Variants in NLRP7 observed in about 807,000 individuals in gnomAD.
NLRP7 encodes NLR family pyrin domain containing 7, also known as NACHT, LRR and PYD domains-containing protein 7.
In NLRP7, 72 loss-of-function variants were observed where a neutral mutation model predicts 85.5. The observed-to-expected ratio is 0.84, with a 90% confidence interval of 0.70 to 1.02. The LOEUF (loss-of-function observed/expected upper bound fraction) is 1.02, where lower values mean the gene tolerates loss of function less well. Among genes scored for constraint, NLRP7 ranks in the 50% least tolerant of loss-of-function variants. The probability of loss-of-function intolerance (pLI) is 0.00; values close to 1 mark genes in which losing one functional copy is unlikely to be tolerated. For missense variants in NLRP7, 1,243 were observed against 1,219.5 expected, an observed-to-expected ratio of 1.02 and a Z score of -0.29; for synonymous variants, 550 against 505.2, an observed-to-expected ratio of 1.09 and a Z score of -1.19.
At chr19:54,939,790 G>A in exon 4 of NLRP7, 2 of 1,614,032 alleles carry the variant, frequency 1.2e-6, no homozygotes, top group South Asian at 1.1e-5. Context: ...AGGCACGCAT[G>A]GCTTGGTCCT....
rs778344752 is a variant in NLRP7, at chr19:54,939,542, T to A, written c.1277A>T (p.Gln426Leu). ...GTCCTCTCGGTGGAACACGGACATC[T>A]GCGCCCACAGGCCCTGCGCGGCCAG... Residue 426 changes from glutamine (Q) to leucine (L), a missense_variant, in exon 4 of 10, where the codon CAG (glutamine) becomes CTG (leucine). Coordinates refer to ENST00000340844, the Ensembl canonical transcript of NLRP7. The A allele has an allele frequency of 2.5e-6, 4 of 1,613,332 alleles. No individual in the cohort carries two copies. The South Asian group carries it at 4.4e-5, about 18-fold the overall frequency.
chr19:54,964,390 G>A (rs1393637601), intron 1 of NLRP7, among the ~76,000 whole-genome samples: 1 of 149,928 alleles, frequency 6.7e-6, no homozygotes. Flanking sequence ...CTAATTTTTT[G>A]TATTTTTAGT....
chr19:54,931,515 C>T (rs1277059058), intron 8 of NLRP7, among the ~76,000 whole-genome samples: 1 of 152,052 alleles, frequency 6.6e-6, no homozygotes, highest in Non-Finnish European at 1.5e-5. Context: ...TATGGAGAAA[C>T]CCGTCTCTAC....
At chr19:54,928,895 T>G (rs1335302460) in intron 9 of NLRP7, among the ~76,000 whole-genome samples, 1 of 151,908 alleles carries the variant, frequency 6.6e-6, no homozygotes, top group African/African-American at 2.4e-5. Flanking sequence ...CTCCGCCTCC[T>G]GGGTTCAAGC....
At chr19:54,956,152 GAGGGAAGGAGGGA>G (rs995592166) in intron 1 of NLRP7, among the ~76,000 whole-genome samples, 13 of 139,916 alleles carry the variant, frequency 9.3e-5, no homozygotes, top group African/African-American at 3.3e-4. Flanking sequence ...AGGAGGGAAG[GAGGGAAGGAGGGA>G]AGGGAAGGAG....
At chr19:54,951,154 G>T (rs147870847), upstream of NLRP7, among the ~76,000 whole-genome samples, 117 of 152,326 alleles carry the variant, frequency 7.7e-4, 2 homozygotes, top group East Asian at 0.022. Context: ...CAAGGCAGAA[G>T]AATTTGTCTT....
At chr19:54,954,032 A>ACGCCTGTAATCCC (rs1290396057) in intron 1 of NLRP7, among the ~76,000 whole-genome samples, 1 of 145,192 alleles carries the variant, frequency 6.9e-6, no homozygotes, top group Admixed American at 6.8e-5. Context: ...AAATAAAAAT[A>ACGCCTGTAATCCC]AATAAAGCAT....
At position 54,934,464 on chromosome 19, in the gene NLRP7, C is replaced by T; in HGVS notation, c.2471+25G>A. On this transcript the variant is annotated intron_variant, in intron 7 of 9. Transcript: ENST00000340844. The surrounding 1 kb of genome is among the most constrained non-coding windows in gnomAD (Gnocchi z 6.7). ...CTATAGCCCCAGAACTAAACCAGAG[C>T]TGCCCATGGGAAGAGGAGACTTACG... 3 of 1,613,092 alleles carry T rather than the reference C, an allele frequency of 1.9e-6. No homozygotes were observed. The highest frequency in any genetic ancestry group is 8.5e-7 in the Non-Finnish European group (1 of 1,179,050).
At position 54,961,637 on chromosome 19, in the gene NLRP7, G is replaced by A. The variant is rs1415397627; in HGVS notation, c.-77+4403C>T. ...GGATCTCAGATCAGGAGTTCAAGAA[G>A]AGCCTGGCCAGCATGGTGAAAACCT... On this transcript the variant is annotated intron_variant, in intron 1 of 2. Transcript: ENST00000587103. Among the ~76,000 whole-genome samples, 5 of 151,776 alleles carry A rather than the reference G, an allele frequency of 3.3e-5. 1 individual carries two copies. The South Asian group carries it at 1.0e-3, about 32-fold the overall frequency.
At position 54,936,324 on chromosome 19, in the gene NLRP7, C is replaced by T. The variant is rs1370606415; in HGVS notation, c.2237G>A (p.Arg746His). The T allele has an allele frequency of 7.4e-6, 12 of 1,613,712 alleles. No homozygotes were observed. The highest frequency in any genetic ancestry group is 5.0e-5 in the Admixed American group (3 of 59,976). The stretch of plus-strand genomic sequence containing the variant: ...GTCACACAGCATCAGCATCATCGTG[C>T]GTTCCCACTCGATGTGCCCTGCCAG... The change falls in exon 6 of 10, where the codon CGC (arginine) becomes CAC (histidine). Residue 746 changes from arginine to histidine, a missense_variant. Arg to His is a conservative substitution (Grantham distance 29, BLOSUM62 0). Around this residue, in one of 3 missense-constraint regions of NLRP7, gnomAD observed 613 missense variants for 588.4 expected, o/e 1.04. Transcript: ENST00000340844.
chr19:54,951,498 C>T (rs1213588935), upstream of NLRP7, among the ~76,000 whole-genome samples: 4 of 151,804 alleles, frequency 2.6e-5, no homozygotes, highest in African/African-American at 7.3e-5. Context: ...TGCAGTGAGC[C>T]GAGGTCGCAC....
chr19:54,963,112 A>G (rs2070117707), intron 1 of NLRP7, among the ~76,000 whole-genome samples: 1 of 151,940 alleles, frequency 6.6e-6, no homozygotes, highest in South Asian at 2.1e-4. Context: ...AAGTAAACAC[A>G]GGGTCAAGCA....
At chr19:54,950,265 A>G (rs2069626841), upstream of NLRP7, among the ~76,000 whole-genome samples, 1 of 152,104 alleles carries the variant, frequency 6.6e-6, no homozygotes, top group African/African-American at 2.4e-5. Flanking sequence ...TTGGCTGTTC[A>G]TTTGTATCCT....
Position 54,939,834 on chromosome 19 carries a change from T to G in NLRP7, c.985A>C (p.Arg329=), listed in dbSNP as rs104895511. 12 of 1,614,006 alleles carry G rather than the reference T, an allele frequency of 7.4e-6. No individual in the cohort carries two copies. Among genetic ancestry groups the G allele is most frequent in the Non-Finnish European group, 1.0e-5 (12 of 1,179,950 alleles). Residue 329 remains arginine (R), a synonymous_variant, in exon 4 of 10, where the codon AGG becomes CGG. Transcript: ENST00000340844. Reference sequence around the variant, plus strand: ...AAGTGTCTCAGGAAATAGGCCCTCCTGTCCTCCTCCAGGAAGCCCTCCACC... The same window carrying G: ...AAGTGTCTCAGGAAATAGGCCCTCCGGTCCTCCTCCAGGAAGCCCTCCACC...
upstream of NLRP7, among the ~76,000 whole-genome samples, chr19:54,950,098 T>TC: frequency 6.8e-6 from 1 of 146,378 alleles, no homozygotes; most frequent in East Asian, 2.0e-4. Flanking sequence ...TTAGACTGTC[T>TC]CAAAAAAAAA....
chr19:54,935,628 G>C (rs976533608), intron 6 of NLRP7, among the ~76,000 whole-genome samples: 4 of 151,876 alleles, frequency 2.6e-5, no homozygotes, highest in Non-Finnish European at 5.9e-5. Flanking sequence ...AGGAGGCGGA[G>C]GTTGCAGTGA....
exon 9 of NLRP7, chr19:54,930,592 G>A (rs768641374): frequency 1.9e-6 from 3 of 1,612,186 alleles, no homozygotes; most frequent in Non-Finnish European, 2.5e-6. Flanking sequence ...GTCCAGGTTT[G>A]TGAGGCTGCA....
intron 9 of NLRP7, among the ~76,000 whole-genome samples, chr19:54,929,836 C>T (rs1296959177): frequency 2.0e-5 from 3 of 151,970 alleles, no homozygotes; most frequent in Admixed American, 6.6e-5. Context: ...AGAAATTGGC[C>T]GGGCGTGGTG....
chr19:54,950,626 T>C (rs1195649304), upstream of NLRP7, among the ~76,000 whole-genome samples: 1 of 152,056 alleles, frequency 6.6e-6, no homozygotes, highest in Non-Finnish European at 1.5e-5. Context: ...CTCAATGCCT[T>C]ACGGAGCAGT....
Sources: allele counts gnomAD v4.1 joint callset (sites outside exome capture counted in the v4.1 genomes callset), GRCh38; gene constraint gnomAD v4.1.1; regional missense constraint gnomAD v4.1.1; non-coding constraint Gnocchi (gnomAD v3.1); transcripts MANE v1.5; gene names NCBI Gene and HGNC (gene_info 2026-07-23, HGNC 2026-07-21).